Variants in MARCHF1 observed in about 807,000 individuals in gnomAD.
The protein encoded by MARCHF1 is membrane associated ring-CH-type finger 1.
In MARCHF1, 40 loss-of-function variants were observed where a neutral mutation model predicts 54.2. The observed-to-expected ratio is 0.74, with a 90% CI of 0.57 to 0.96. The LOEUF (loss-of-function observed/expected upper bound fraction) is 0.96. MARCHF1 is among the 40% of genes least tolerant of loss of function. The pLI is 0.00. For missense variants in MARCHF1, 586 were observed against 656.5 expected (o/e 0.89, Z 1.17); for synonymous variants, 236 against 236.3 (o/e 1.00, Z 0.01).
Position 163,688,829 on chromosome 4 carries a change from C to T in MARCHF1, c.162+11984G>A, listed in dbSNP as rs1744353463. ...GACGGATAGACTTTGAATGTATGCT[C>T]TTATTTCATCAGAGATTCGTTATAC... On this transcript the variant is annotated intron_variant, in intron 5 of 9. Transcript: ENST00000514618. Among the ~76,000 whole-genome samples, 3 of 152,178 alleles carry T rather than the reference C, an allele frequency of 2.0e-5. No individual in the cohort carries two copies. In the South Asian group the frequency reaches 6.2e-4, roughly 32 times the overall value.
chr4:163,729,385 C>T (rs1162072211), intron 4 of MARCHF1, among the ~76,000 whole-genome samples: 1 of 147,966 alleles, frequency 6.8e-6, no homozygotes, highest in African/African-American at 2.5e-5. Flanking sequence ...GTACAGTTCA[C>T]CAGTTCACTC....
intron 2 of MARCHF1, among the ~76,000 whole-genome samples, chr4:164,059,557 T>A (rs952573431): frequency 6.6e-6 from 1 of 152,158 alleles, no homozygotes; most frequent in African/African-American, 2.4e-5. Flanking sequence ...CTTACCTATA[T>A]AGGAGGCATC....
chr4:163,983,907 G>A (rs887898130), intron 3 of MARCHF1, among the ~76,000 whole-genome samples: 1 of 151,874 alleles, frequency 6.6e-6, no homozygotes, highest in South Asian at 2.1e-4. Context: ...CTCTGGCCCT[G>A]AGACTAAATA....
At chr4:163,843,591 A>ATAGG (rs1196430718) in intron 4 of MARCHF1, among the ~76,000 whole-genome samples, 3 of 151,858 alleles carry the variant, frequency 2.0e-5, no homozygotes, top group Non-Finnish European at 4.4e-5. Context: ...GGTTTGTTAC[A>ATAGG]TAGGTAAGCA....
intron 4 of MARCHF1, among the ~76,000 whole-genome samples, chr4:163,802,976 A>G (rs13108858): frequency 0.51 from 77,858 of 151,862 alleles, 20,349 homozygotes; most frequent in East Asian, 0.84. Flanking sequence ...CTCATTCACT[A>G]TCTGACTCAC....
At chr4:163,616,675 T>C (rs1741521423) in intron 5 of MARCHF1, among the ~76,000 whole-genome samples, 1 of 151,828 alleles carries the variant, frequency 6.6e-6, no homozygotes, top group Admixed American at 6.6e-5. Context: ...GCCCAGGTGT[T>C]TGAAGCTAGC....
chr4:164,017,208 C>T (rs1490211010), intron 2 of MARCHF1, among the ~76,000 whole-genome samples: 1 of 151,896 alleles, frequency 6.6e-6, no homozygotes, highest in Non-Finnish European at 1.5e-5. Context: ...TTATGAAAAA[C>T]ATCACACTTA....
chr4:163,553,247 A>T (rs974491168), intron 8 of MARCHF1, among the ~76,000 whole-genome samples: 1 of 152,220 alleles, frequency 6.6e-6, no homozygotes, highest in African/African-American at 2.4e-5. Flanking sequence ...CTTAAAAAGA[A>T]TTCAATAAAT....
chr4:163,604,749 T>A (rs529445036), intron 7 of MARCHF1, among the ~76,000 whole-genome samples: 1 of 152,138 alleles, frequency 6.6e-6, no homozygotes, highest in Non-Finnish European at 1.5e-5. Context: ...CTAGGCTACA[T>A]TGAAATCCTT....
intron 1 of MARCHF1, among the ~76,000 whole-genome samples, chr4:164,187,726 C>A (rs17044729): frequency 0.057 from 8,741 of 152,096 alleles, 296 homozygotes; most frequent in Middle Eastern, 0.15. Flanking sequence ...ATCAATACAA[C>A]GTTTTTAGTA....
chr4:164,240,009 A>G (rs901121210), intron 1 of MARCHF1, among the ~76,000 whole-genome samples: 2 of 152,214 alleles, frequency 1.3e-5, no homozygotes, highest in African/African-American at 2.4e-5. Flanking sequence ...CAGCTATTTA[A>G]TAATTCAATA....
At chr4:164,297,630 A>T (rs1165353145) in intron 1 of MARCHF1, among the ~76,000 whole-genome samples, 1 of 152,134 alleles carries the variant, frequency 6.6e-6, no homozygotes, top group East Asian at 1.9e-4. Context: ...GGATTAGAAA[A>T]AGGGTATTAG....
At chr4:164,097,261 C>T (rs905377778) in intron 2 of MARCHF1, among the ~76,000 whole-genome samples, 2 of 152,188 alleles carry the variant, frequency 1.3e-5, no homozygotes, top group African/African-American at 2.4e-5. Context: ...AGCTTCTATC[C>T]TAGGATTTAC....
chr4:163,529,464 T>C lies in MARCHF1; in HGVS notation c.1340-418A>G, dbSNP rs558477108. Among the ~76,000 whole-genome samples the C allele has an allele frequency of 6.2e-4, 94 of 152,136 alleles. 3 individuals carry two copies. In the South Asian group the frequency reaches 0.019, roughly 30 times the overall value. On this transcript the variant is annotated intron_variant, in intron 9 of 9. Transcript: ENST00000514618. ...TAAGAAGATGAGGTATAGGTACATG[T>C]ATGGGTTTGTATGTACAGGTCTTCC...
chr4:164,002,468 C>T (rs992117456), intron 2 of MARCHF1, among the ~76,000 whole-genome samples: 4 of 151,016 alleles, frequency 2.6e-5, no homozygotes, highest in African/African-American at 9.7e-5. Context: ...TTAGATGTTA[C>T]AGAAAAAGAT....
intron 3 of MARCHF1, among the ~76,000 whole-genome samples, chr4:163,942,923 AC>A (rs1190569515): frequency 6.6e-6 from 1 of 151,014 alleles, no homozygotes; most frequent in African/African-American, 2.4e-5. Flanking sequence ...TTTGAAGAAA[AC>A]CTCTCTTCCA....
chr4:163,668,207 C>T (rs1349628806), intron 5 of MARCHF1, among the ~76,000 whole-genome samples: 5 of 152,112 alleles, frequency 3.3e-5, no homozygotes, highest in Admixed American at 3.3e-4. Flanking sequence ...ATAGTCCAAA[C>T]ATCCAGTTTC....
intron 4 of MARCHF1, among the ~76,000 whole-genome samples, chr4:163,748,406 C>CAAAAA (rs11315071): frequency 7.8e-6 from 1 of 128,156 alleles, no homozygotes; most frequent in Non-Finnish European, 1.7e-5. Flanking sequence ...TAATTTCTAC[C>CAAAAA]AAAAAAAAAA....
chr4:164,052,634 A>T (rs958290797), intron 2 of MARCHF1, among the ~76,000 whole-genome samples: 1 of 152,206 alleles, frequency 6.6e-6, no homozygotes, highest in Non-Finnish European at 1.5e-5. Flanking sequence ...CTTGGCTCTG[A>T]CACAGACGTA....
Sources: gnomAD v4.1 joint callset for allele counts (sites outside exome capture counted in the v4.1 genomes callset) on GRCh38, gnomAD v4.1.1 for gene constraint, MANE v1.5 for transcripts, NCBI Gene and HGNC (gene_info 2026-07-23, HGNC 2026-07-21) for gene names.